KREMEN1: variants seen among roughly 807,000 people sequenced by gnomAD.
The protein encoded by KREMEN1 is kremen protein 1.
A neutral mutation model predicts 46.5 loss-of-function variants in KREMEN1; 30 were observed. The observed-to-expected ratio is 0.65, with a 90% confidence interval of 0.48 to 0.88. The LOEUF is 0.88. KREMEN1 is among the 40% of genes least tolerant of loss of function. The pLI is 0.00. For synonymous variants in KREMEN1, 214 were observed against 230.6 expected, an observed-to-expected ratio of 0.93 and a Z score of 0.65; for missense variants, 533 against 596.9, an observed-to-expected ratio of 0.89 and a Z score of 1.11.
chr22:29,120,012 T>A, intron 3 of KREMEN1, among the ~76,000 whole-genome samples: 2 of 147,176 alleles, frequency 1.4e-5, no homozygotes, highest in African/African-American at 5.2e-5. Context: ...GAAGAAGAGG[T>A]GATGAAGGAA....
intron 1 of KREMEN1, 131 bp from the exon 2 acceptor site, chr22:29,094,127 C>T: frequency 1.4e-6 from 1 of 699,242 alleles, no homozygotes; most frequent in South Asian, 1.9e-5. Context: ...GTTAACTGCA[C>T]TGTGTCCAGG....
At chr22:29,076,152 AT>A (rs1175703813) in intron 1 of KREMEN1, among the ~76,000 whole-genome samples, 1 of 152,164 alleles carries the variant, frequency 6.6e-6, no homozygotes, top group Non-Finnish European at 1.5e-5. Context: ...TCACTTGAGT[AT>A]TTTACTACCT....
chr22:29,073,064 C>A lies in KREMEN1; in HGVS notation c.-67C>A, dbSNP rs1208901902. On this transcript the variant is annotated 5_prime_UTR_variant, in exon 1 of 9. Coordinates refer to ENST00000400335, the MANE Select transcript of KREMEN1 (RefSeq NM_001039570.3). This position sits in a 1 kb window ranked among gnomAD's most constrained non-coding sequence, Gnocchi z 4.4. ...GGGCCCCGCGTCCTGCTCCCATGGC[C>A]GCCCCCGGCTCCCCGCGCTGCCCCC... is the stretch of plus-strand genomic sequence containing the variant. 5.3e-6 allele frequency: 2 copies of A among 375,032 alleles called. No individual in the cohort carries two copies. Among genetic ancestry groups the A allele is most frequent in the Non-Finnish European group, 7.3e-6 (2 of 272,976 alleles). 23.2% of individuals were successfully genotyped at this position (375,032 alleles called of 1,614,324 possible). A position where few individuals can be genotyped will look rare whatever the true frequency, so the allele number is the denominator to read the frequency against.
At chr22:29,094,527 CAA>C in intron 2 of KREMEN1, 107 bp downstream of exon 2, 8 of 868,458 alleles carry the variant, frequency 9.2e-6, no homozygotes, top group South Asian at 1.8e-5. Flanking sequence ...TTGACCAACT[CAA>C]GAGACTTATC....
intron 5 of KREMEN1, among the ~76,000 whole-genome samples, chr22:29,131,608 G>A (rs1031935060): frequency 7.6e-6 from 1 of 132,148 alleles, no homozygotes; most frequent in African/African-American, 3.2e-5. Context: ...ATGTATATAT[G>A]TGTGTATATA....
At chr22:29,159,185 C>T (rs1007520545) in intron 9 of KREMEN1, among the ~76,000 whole-genome samples, 8 of 145,488 alleles carry the variant, frequency 5.5e-5, no homozygotes, top group East Asian at 4.2e-4. Context: ...AGGCTGGTCT[C>T]GAACTCCTGG....
intron 5 of KREMEN1, among the ~76,000 whole-genome samples, chr22:29,127,081 CTT>C (rs1269897867): frequency 1.3e-5 from 2 of 152,062 alleles, no homozygotes; most frequent in African/African-American, 4.8e-5. Context: ...CTGGTATACT[CTT>C]AAGTGAAAAA....
At chr22:29,084,286 G>T (rs903031407) in intron 1 of KREMEN1, among the ~76,000 whole-genome samples, 1 of 151,160 alleles carries the variant, frequency 6.6e-6, no homozygotes, top group Non-Finnish European at 1.5e-5. Flanking sequence ...CCTGTGTCTT[G>T]TGCTGGCCTC....
chr22:29,137,263 G>C, intron 5 of KREMEN1, 79 bp from the exon 6 acceptor site: 2 of 993,422 alleles, frequency 2.0e-6, no homozygotes, highest in South Asian at 2.8e-5. Context: ...CGTTAGGAAG[G>C]CTTTAGTGCC....
At chr22:29,113,478 G>A (rs1454527116) in intron 3 of KREMEN1, among the ~76,000 whole-genome samples, 1 of 152,238 alleles carries the variant, frequency 6.6e-6, no homozygotes, top group Non-Finnish European at 1.5e-5. Flanking sequence ...AATGATGAAA[G>A]CCTTATTGTA....
chr22:29,123,780 ACT>A (rs1381258795), intron 4 of KREMEN1, among the ~76,000 whole-genome samples: 1 of 152,226 alleles, frequency 6.6e-6, no homozygotes, highest in Non-Finnish European at 1.5e-5. Flanking sequence ...ACAGAGTGAG[ACT>A]CTATCTGAAA....
At chr22:29,100,219 GA>G (rs2037955047) in intron 3 of KREMEN1, among the ~76,000 whole-genome samples, 2 of 151,674 alleles carry the variant, frequency 1.3e-5, no homozygotes, top group Admixed American at 1.3e-4. Context: ...GGATTCAAGT[GA>G]TTCTCCTGCC....
chr22:29,118,689 C>T (rs548365565), intron 3 of KREMEN1, among the ~76,000 whole-genome samples: 2 of 152,204 alleles, frequency 1.3e-5, no homozygotes, highest in East Asian at 3.9e-4. Flanking sequence ...CTCCCAAAGG[C>T]CTCACCTCCA....
chr22:29,082,942 T>G (rs959688810), intron 1 of KREMEN1, among the ~76,000 whole-genome samples: 1 of 152,210 alleles, frequency 6.6e-6, no homozygotes, highest in African/African-American at 2.4e-5. Context: ...TATCCTTATG[T>G]GAAAACTTTT....
In KREMEN1 at chr22:29,094,364, C is replaced by T. The variant is rs1203140651; in HGVS notation, c.204C>T (p.Tyr68=). The change falls in exon 2 of 9, where the codon TAC becomes TAT. Residue 68 remains tyrosine, a synonymous_variant. Transcript: ENST00000400335. ...GGAACGAGACTTTCCAGCATCCATA[C>T]AACACTCTGAAATACCCCAACGGGG... is the stretch of plus-strand genomic sequence containing the variant. ...LFWNETFQHP[Y]NTLKYPNGEG... 1 of 1,613,980 alleles carries T rather than the reference C, an allele frequency of 6.2e-7. No individual in the cohort carries two copies. The highest frequency in any genetic ancestry group is 1.1e-5 in the South Asian group (1 of 91,066).
chr22:29,091,956 G>A (rs748700049), intron 1 of KREMEN1, among the ~76,000 whole-genome samples: 25 of 152,200 alleles, frequency 1.6e-4, no homozygotes, highest in Non-Finnish European at 2.9e-4. Flanking sequence ...CCGAAGCACA[G>A]CGAGTGAGTA....
At chr22:29,138,144 C>A (rs35180529) in intron 6 of KREMEN1, among the ~76,000 whole-genome samples, 1 of 152,244 alleles carries the variant, frequency 6.6e-6, no homozygotes, top group South Asian at 2.1e-4. Flanking sequence ...GGGCACATCT[C>A]TTTGCCAGGA....
In KREMEN1 at chr22:29,138,753, GC is replaced by G. The variant is rs751192135; in HGVS notation, c.1098del (p.Ser367AlafsTer27). 62 of 1,614,086 alleles carry G rather than the reference GC, an allele frequency of 3.8e-5. No homozygotes were observed. The highest frequency in any genetic ancestry group is 5.2e-5 in the Non-Finnish European group (61 of 1,180,040). On this transcript the variant is annotated frameshift_variant, in exon 7 of 9. Transcript: ENST00000400335. LOFTEE classifies it high-confidence loss of function. ...AAAGTCCTCTATGTCATCACCACCA[GC>G]CCCAGCCACCCACCTCAGACTGTCC... is the stretch of plus-strand genomic sequence containing the variant. ...SSKVLYVITTSPSHPPQTVPG... is the reference protein window; with the variant it reads ...SSKVLYVITTXPSHPPQTVPG...
chr22:29,087,930 A>C (rs995562373), intron 1 of KREMEN1, among the ~76,000 whole-genome samples: 2 of 152,250 alleles, frequency 1.3e-5, no homozygotes, highest in African/African-American at 4.8e-5. Context: ...ACTGCAGAGC[A>C]GGTATTATAC....
Sources: gnomAD v4.1 joint callset for allele counts (sites outside exome capture counted in the v4.1 genomes callset) on GRCh38, gnomAD v4.1.1 for gene constraint, Gnocchi (gnomAD v3.1) non-coding constraint, MANE v1.5 for transcripts, NCBI Gene and HGNC (gene_info 2026-07-23, HGNC 2026-07-21) for gene names.